The following TEX36 variants were observed in gnomAD, a reference collection of about 807,000 sequenced individuals.
TEX36 encodes the protein testis expressed 36.
A neutral mutation model predicts 13.6 loss-of-function variants in TEX36; 12 were observed. The ratio of observed to expected loss-of-function variants is 0.88; its 90% CI spans 0.56 to 1.43. The LOEUF is 1.43. TEX36 is among the 40% of genes most tolerant of loss of function. The probability of loss-of-function intolerance (pLI) is 0.00; values close to 1 mark genes in which losing one functional copy is unlikely to be tolerated. For synonymous variants in TEX36, 93 were observed against 83.0 expected (o/e 1.12, Z -0.65); for missense variants, 224 against 228.3 (o/e 0.98, Z 0.12).
intron 3 of TEX36, among the ~76,000 whole-genome samples, chr10:125,634,967 G>T (rs113566677): frequency 2.0e-5 from 3 of 152,292 alleles, no homozygotes; most frequent in African/African-American, 7.2e-5. Flanking sequence ...CAGAGAAGGA[G>T]GTAACATTTC....
chr10:125,681,448 TG>T (rs1190668724), intron 1 of TEX36, among the ~76,000 whole-genome samples: 1 of 152,230 alleles, frequency 6.6e-6, no homozygotes, highest in Non-Finnish European at 1.5e-5. Context: ...TTTCTTTTCA[TG>T]GGAACTTAGC....
chr10:125,652,034 G>A (rs1019502197), downstream of TEX36, among the ~76,000 whole-genome samples: 1 of 152,160 alleles, frequency 6.6e-6, no homozygotes, highest in Non-Finnish European at 1.5e-5. Flanking sequence ...TCATGGATAG[G>A]AAGAATCAAT....
downstream of TEX36, among the ~76,000 whole-genome samples, chr10:125,617,889 C>G (rs940459608): frequency 1.3e-4 from 20 of 151,906 alleles, no homozygotes; most frequent in African/African-American, 4.8e-4. Context: ...TGTTTTCCAA[C>G]TTGGTTCCAT....
chr10:125,621,754 C>G (rs1040028922), intron 3 of TEX36: 8 of 428,424 alleles, frequency 1.9e-5, no homozygotes, highest in Non-Finnish European at 2.8e-5. Context: ...AAGAGCCCCC[C>G]AGAAGCCACT....
At chr10:125,682,231 C>T (rs57246213) in intron 1 of TEX36, among the ~76,000 whole-genome samples, 3,124 of 152,216 alleles carry the variant, frequency 0.021, 44 homozygotes, top group Middle Eastern at 0.048. Flanking sequence ...AAGGCTAAGA[C>T]CTCACACTTA....
intron 3 of TEX36, among the ~76,000 whole-genome samples, chr10:125,606,882 C>T (rs1185779908): frequency 6.6e-6 from 1 of 152,124 alleles, no homozygotes; most frequent in African/African-American, 2.4e-5. Context: ...ATGTGCTATA[C>T]GTATTCTCAT....
chr10:125,629,084 G>A (rs867971950), intron 3 of TEX36, among the ~76,000 whole-genome samples: 10 of 152,146 alleles, frequency 6.6e-5, no homozygotes, highest in Admixed American at 3.9e-4. Context: ...TCTGTAGTTC[G>A]GAATTTGTGC....
At chr10:125,636,380 T>C (rs1291150007) in intron 3 of TEX36, among the ~76,000 whole-genome samples, 12 of 151,212 alleles carry the variant, frequency 7.9e-5, no homozygotes, top group African/African-American at 2.9e-4. Flanking sequence ...TAATTTTTTT[T>C]TTTTTATATA....
chr10:125,674,306 A>T (rs1442533472), intron 1 of TEX36, among the ~76,000 whole-genome samples: 2 of 152,136 alleles, frequency 1.3e-5, no homozygotes, highest in Non-Finnish European at 2.9e-5. Flanking sequence ...GGTTATTCTG[A>T]TTAACAGCTC....
rs144129432 is a variant in TEX36 at position 125,680,855 on chromosome 10, C to T, written c.51+2084G>A. On this transcript the variant is annotated intron_variant, in intron 1 of 3. Coordinates refer to ENST00000368821, the MANE Select transcript of TEX36 (RefSeq NM_001128202.3). ...AAAACCCAGGGACTGGGCTACGTTT[C>T]TGGGGTCTTGATAGAAGGATAAAAT... Among the ~76,000 whole-genome samples, 958 of 152,288 alleles carry T rather than the reference C, an allele frequency of 6.3e-3. 27 individuals carry two copies. The highest frequency in any genetic ancestry group is 0.058 in the Admixed American group (893 of 15,300).
intron 1 of TEX36, among the ~76,000 whole-genome samples, chr10:125,671,666 A>G (rs1247907559): frequency 6.6e-6 from 1 of 152,000 alleles, no homozygotes. Context: ...AGGAAGAAGT[A>G]CCTCCTTTTC....
At chr10:125,673,607 G>C (rs1847265962) in intron 1 of TEX36, among the ~76,000 whole-genome samples, 2 of 151,310 alleles carry the variant, frequency 1.3e-5, no homozygotes, top group Non-Finnish European at 2.9e-5. Flanking sequence ...CTACTAAGGA[G>C]GCTGAGGCAG....
chr10:125,611,794 T>A (rs936045380), intron 3 of TEX36, among the ~76,000 whole-genome samples: 13 of 152,170 alleles, frequency 8.5e-5, no homozygotes, highest in African/African-American at 3.1e-4. Context: ...CTCCAAATTA[T>A]CCCTCTATGT....
chr10:125,591,832 C>T (rs1269436543), intron 3 of TEX36, among the ~76,000 whole-genome samples: 3 of 152,110 alleles, frequency 2.0e-5, no homozygotes, highest in Non-Finnish European at 4.4e-5. Context: ...TTGAAACTGA[C>T]CTTCCCTGCT....
Position 125,622,582 on chromosome 10 carries a change from G to T in TEX36, c.265-937C>A, listed in dbSNP as rs578064944. Among the ~76,000 whole-genome samples, 5 of 152,192 alleles carry T rather than the reference G, an allele frequency of 3.3e-5. No homozygotes were observed. The East Asian group carries it at 5.8e-4, about 18-fold the overall frequency. On this transcript the variant is annotated intron_variant, in intron 3 of 3. Coordinates refer to the TEX36 transcript ENST00000526819. ...CTGAAAGTCTGGGTCATTTGTTCCT[G>T]CCTGGATTAGGCTGTAGTTTCCCAT...
downstream of TEX36, among the ~76,000 whole-genome samples, chr10:125,619,517 T>C (rs1161503350): frequency 1.3e-5 from 2 of 152,148 alleles, no homozygotes; most frequent in Non-Finnish European, 2.9e-5. Context: ...CAAGCACTTT[T>C]TGAAAGCTCA....
At chr10:125,649,716 G>A (rs1203856842) in intron 3 of TEX36, among the ~76,000 whole-genome samples, 3 of 152,196 alleles carry the variant, frequency 2.0e-5, no homozygotes, top group African/African-American at 4.8e-5. Flanking sequence ...TGGATAAAGA[G>A]TCAAGAGCCA....
downstream of TEX36, among the ~76,000 whole-genome samples, chr10:125,621,105 C>G (rs1433760623): frequency 6.6e-6 from 1 of 152,080 alleles, no homozygotes; most frequent in African/African-American, 2.4e-5. Flanking sequence ...GATACAGTAT[C>G]CCCAAATACC....
chr10:125,637,592 T>A (rs1311444697), intron 3 of TEX36, among the ~76,000 whole-genome samples: 1 of 152,128 alleles, frequency 6.6e-6, no homozygotes. Context: ...GTCTTTTAGA[T>A]ATACATTTCC....
Sources: allele counts gnomAD v4.1 joint callset (sites outside exome capture counted in the v4.1 genomes callset), GRCh38; gene constraint gnomAD v4.1.1; transcripts MANE v1.5; gene names NCBI Gene and HGNC (gene_info 2026-07-23, HGNC 2026-07-21).